RBFOX1: variants seen among roughly 807,000 people sequenced by gnomAD.
RBFOX1 encodes RNA binding fox-1 homolog 1, also known as RNA binding protein fox-1 homolog 1.
Under a neutral mutation model 57.7 loss-of-function variants are expected in RBFOX1, and 8 were observed. That is an observed-to-expected ratio of 0.14 (90% confidence interval 0.08 to 0.25). The LOEUF (loss-of-function observed/expected upper bound fraction) is 0.25, where lower values mean the gene tolerates loss of function less well. RBFOX1 is among the 10% of genes least tolerant of loss of function. The pLI is 1.00. For synonymous variants in RBFOX1, 326 were observed against 222.4 expected (o/e 1.47, Z -4.15); for missense variants, 611 against 548.5 (o/e 1.11, Z -1.14).
intron 1 of RBFOX1, chr16:6,090,019 A>G (rs759826697): frequency 6.6e-5 from 10 of 152,208 alleles, no homozygotes; most frequent in Non-Finnish European, 1.2e-4. Context: ...AGGCAGCAAT[A>G]AGAAACTAAT....
chr16:6,280,840 A>G (rs2076299617), intron 1 of RBFOX1, among the ~76,000 whole-genome samples: 1 of 151,868 alleles, frequency 6.6e-6, no homozygotes, highest in Non-Finnish European at 1.5e-5. Context: ...TACTACAGAG[A>G]GTATGTGGCT....
At chr16:7,331,240 G>A (rs2096689588) in intron 4 of RBFOX1, among the ~76,000 whole-genome samples, 1 of 152,190 alleles carries the variant, frequency 6.6e-6, no homozygotes, top group African/African-American at 2.4e-5. Context: ...AACGCCAATA[G>A]TTGGATATGT....
At chr16:5,566,838 C>G (rs1345140930) in intron 2 of RBFOX1, among the ~76,000 whole-genome samples, 1 of 152,084 alleles carries the variant, frequency 6.6e-6, no homozygotes, top group African/African-American at 2.4e-5. Context: ...TCGACTCACT[C>G]CCTTGTTGTG....
In RBFOX1 at chr16:6,134,576, T is replaced by A. The variant is rs552292185; in HGVS notation, c.-127+114584T>A. On this transcript the variant is annotated intron_variant, in intron 1 of 15. Coordinates refer to ENST00000550418, the MANE Select transcript of RBFOX1 (RefSeq NM_018723.4). ...CAAAGACATGACATTAGTTCTGCCC[T>A]ACTCAGAAGGTATGGGCTGGGACAG... Among the ~76,000 whole-genome samples, 3 of 152,248 alleles carry A rather than the reference T, an allele frequency of 2.0e-5. No homozygotes were observed. The South Asian group carries it at 6.2e-4, about 32-fold the overall frequency.
At chr16:6,976,382 A>G (rs181204785) in intron 3 of RBFOX1, among the ~76,000 whole-genome samples, 2 of 152,130 alleles carry the variant, frequency 1.3e-5, no homozygotes, top group African/African-American at 2.4e-5. Context: ...ACATGAAGCA[A>G]ATATCATTTT....
rs147475419 is a variant in RBFOX1, at chr16:6,681,355, G to T, written c.-16+26705G>T. Among the ~76,000 whole-genome samples, 4 of 152,160 alleles carry T rather than the reference G, an allele frequency of 2.6e-5. No homozygotes were observed. In the South Asian group the frequency reaches 8.3e-4, roughly 31 times the overall value. The stretch of plus-strand genomic sequence containing the variant: ...AAAAATATATTTTGATCGCATCTTG[G>T]TTAAGTCTTTGCTACCTTGGTTAAA... On this transcript the variant is annotated intron_variant, in intron 3 of 15. Coordinates refer to ENST00000550418, the MANE Select transcript of RBFOX1 (RefSeq NM_018723.4).
At chr16:7,093,653 C>A (rs117827499) in intron 4 of RBFOX1, among the ~76,000 whole-genome samples, 1,550 of 152,212 alleles carry the variant, frequency 0.01, 16 homozygotes, top group Non-Finnish European at 0.016. Flanking sequence ...CTTACATCTT[C>A]CCCCTCTAGC....
chr16:7,579,164 G>A (rs143861796), intron 5 of RBFOX1, among the ~76,000 whole-genome samples: 31 of 152,342 alleles, frequency 2.0e-4, no homozygotes, highest in African/African-American at 7.5e-4. Context: ...GTGGTCAACT[G>A]TAGTGGACAG....
At chr16:7,029,229 TATATACGTATACGTATATATATACACAC>T (rs1456523291) in intron 3 of RBFOX1, among the ~76,000 whole-genome samples, 6,458 of 82,186 alleles carry the variant, frequency 0.079, 1,391 homozygotes, top group African/African-American at 0.31. Context: ...TACACACATA[TATATACGTATACGTATATATATACACAC>T]ATATATATAC....
chr16:7,593,796 CA>C (rs1193050547), intron 7 of RBFOX1, among the ~76,000 whole-genome samples: 5 of 151,896 alleles, frequency 3.3e-5, no homozygotes, highest in Admixed American at 6.6e-5. Flanking sequence ...ATTTGGGTAT[CA>C]GGGGTGGGGA....
chr16:7,651,495 A>C (rs2065052913), intron 11 of RBFOX1, among the ~76,000 whole-genome samples: 1 of 152,088 alleles, frequency 6.6e-6, no homozygotes, highest in East Asian at 1.9e-4. Flanking sequence ...TTTTCCTTCC[A>C]ATTCTTTTGC....
At chr16:7,037,451 C>G (rs984284706) in intron 3 of RBFOX1, among the ~76,000 whole-genome samples, 1 of 151,954 alleles carries the variant, frequency 6.6e-6, no homozygotes, top group Non-Finnish European at 1.5e-5. Context: ...TGGAGTTGCT[C>G]TGGTTCATAA....
chr16:5,681,792 G>T (rs970676787), intron 3 of RBFOX1, among the ~76,000 whole-genome samples: 2 of 152,138 alleles, frequency 1.3e-5, no homozygotes, highest in African/African-American at 4.8e-5. Flanking sequence ...CAAAGGCCTT[G>T]AGGTGGATTA....
chr16:7,380,873 G>A (rs2097772188), intron 4 of RBFOX1, among the ~76,000 whole-genome samples: 1 of 152,190 alleles, frequency 6.6e-6, no homozygotes, highest in Admixed American at 6.5e-5. Flanking sequence ...CAAGATGTTA[G>A]TGTTTTTCAA....
At chr16:5,868,897 A>G (rs1182764911) in intron 4 of RBFOX1, among the ~76,000 whole-genome samples, 1 of 152,190 alleles carries the variant, frequency 6.6e-6, no homozygotes, top group Non-Finnish European at 1.5e-5. Context: ...CGGGAATACC[A>G]GTTTCTGTGT....
intron 4 of RBFOX1, among the ~76,000 whole-genome samples, chr16:7,440,801 C>T (rs903199176): frequency 1.3e-5 from 2 of 152,114 alleles, no homozygotes; most frequent in African/African-American, 2.4e-5. Context: ...CTCTATTCCT[C>T]ACATTTAGCA....
At chr16:6,052,979 C>T (rs1161537389) in intron 1 of RBFOX1, among the ~76,000 whole-genome samples, 1 of 152,032 alleles carries the variant, frequency 6.6e-6, no homozygotes, top group Non-Finnish European at 1.5e-5. Context: ...ATAATGTTTG[C>T]AGTGGTAACA....
chr16:6,023,267 CTATA>C (rs58852639), intron 1 of RBFOX1, among the ~76,000 whole-genome samples: 66 of 147,130 alleles, frequency 4.5e-4, no homozygotes, highest in Admixed American at 6.8e-4. Flanking sequence ...ATAATTGAAG[CTATA>C]TATATATATA....
intron 4 of RBFOX1, among the ~76,000 whole-genome samples, chr16:7,358,994 G>C (rs928119295): frequency 6.6e-6 from 1 of 152,170 alleles, no homozygotes; most frequent in East Asian, 1.9e-4. Context: ...TTTTTGGAAT[G>C]AAAAAATCTA....
Sources: gnomAD v4.1 joint callset for allele counts (sites outside exome capture counted in the v4.1 genomes callset) on GRCh38, gnomAD v4.1.1 for gene constraint, MANE v1.5 for transcripts, NCBI Gene and HGNC (gene_info 2026-07-23, HGNC 2026-07-21) for gene names.